RASSF4: variants seen among roughly 807,000 people sequenced by gnomAD.
RASSF4 encodes the protein Ras association domain family member 4, also known as ras association domain-containing protein 4.
A neutral mutation model predicts 41.1 loss-of-function variants in RASSF4; 38 were observed. That is an observed-to-expected ratio of 0.92 (90% CI 0.71 to 1.21). The LOEUF (loss-of-function observed/expected upper bound fraction) is 1.21, where lower values mean the gene tolerates loss of function less well. Among genes scored for constraint, RASSF4 ranks in the 50% most tolerant of loss-of-function variants. The probability of loss-of-function intolerance (pLI) is 0.00; values close to 1 mark genes in which losing one functional copy is unlikely to be tolerated. For synonymous variants in RASSF4, 179 were observed against 163.4 expected (o/e 1.10, Z -0.73); for missense variants, 414 against 419.4 (o/e 0.99, Z 0.11).
rs959703808 is a variant in RASSF4, at chr10:44,970,235, G to T, written c.33G>T (p.Val11=). 1 of 1,614,126 alleles carries T rather than the reference G, an allele frequency of 6.2e-7. No individual in the cohort carries two copies. Among genetic ancestry groups the T allele is most frequent in the Non-Finnish European group, 8.5e-7 (1 of 1,179,934 alleles). The change falls in exon 2 of 11, where the codon GTG becomes GTT. Residue 11 remains valine (V), a synonymous_variant. Coordinates refer to ENST00000340258, the MANE Select transcript of RASSF4 (RefSeq NM_032023.4). ...AAGACTGTCTGCCGAGTTCTCACGT[G>T]CCCATCAGTGACAGCAAGTCCATTC... The part of the protein sequence containing the change: MKEDCLPSSH[V]PISDSKSIQK...
In RASSF4 at chr10:44,993,339, A is replaced by G; in HGVS notation, c.*10A>G. 1.9e-6 allele frequency: 3 copies of G among 1,593,420 alleles called. No individual in the cohort carries two copies. The highest frequency in any genetic ancestry group is 2.6e-6 in the Non-Finnish European group (3 of 1,175,144). On this transcript the variant is annotated 3_prime_UTR_variant, in exon 11 of 11. Transcript: ENST00000340258. ...GGTGGAGGCCAAGTAACTGGCCAAC[A>G]CCTGCCTCTTCCAAAGTCCCCAGCA...
At chr10:44,977,722 G>A (rs1401657623) in intron 3 of RASSF4, 1 of 1,610,990 alleles carries the variant, frequency 6.2e-7, no homozygotes, top group Non-Finnish European at 8.5e-7. Flanking sequence ...AGTCCAGGGG[G>A]TCCACAGTAT....
chr10:44,975,424 A>T (rs1261839854), intron 3 of RASSF4, among the ~76,000 whole-genome samples: 15 of 109,790 alleles, frequency 1.4e-4, no homozygotes, highest in African/African-American at 5.0e-4. Flanking sequence ...TTCGCCTCCC[A>T]TCCCCACCTT....
chr10:44,981,191 AG>A (rs1455657702), intron 3 of RASSF4: 1 of 152,152 alleles, frequency 6.6e-6, no homozygotes, highest in East Asian at 1.9e-4. Flanking sequence ...AGTGCCAACG[AG>A]GAGAGAGAAA....
At chr10:44,967,552 C>G (rs1401395532) in intron 1 of RASSF4, among the ~76,000 whole-genome samples, 1 of 152,254 alleles carries the variant, frequency 6.6e-6, no homozygotes, top group African/African-American at 2.4e-5. Flanking sequence ...CCCATGGACC[C>G]CGTGACGAAT....
chr10:44,986,352 T>C (rs1841921301), intron 6 of RASSF4, among the ~76,000 whole-genome samples: 1 of 152,246 alleles, frequency 6.6e-6, no homozygotes, highest in Non-Finnish European at 1.5e-5. Context: ...CACTGAGCTC[T>C]CTGCATGTCC....
chr10:44,986,027 A>G (rs1841908862), intron 6 of RASSF4, among the ~76,000 whole-genome samples: 1 of 152,224 alleles, frequency 6.6e-6, no homozygotes, highest in Non-Finnish European at 1.5e-5. Context: ...TATTCTTTAA[A>G]TCTTGTTCCA....
intron 10 of RASSF4, 27 bp from the exon 11 acceptor site, chr10:44,993,240 TGA>T: frequency 5.0e-6 from 8 of 1,606,866 alleles, no homozygotes; most frequent in Non-Finnish European, 6.8e-6. Flanking sequence ...CTGGCCTCAG[TGA>T]GTCCTCTTGG....
intron 8 of RASSF4, among the ~76,000 whole-genome samples, chr10:44,989,987 C>T (rs766585513): frequency 3.9e-5 from 6 of 152,250 alleles, no homozygotes; most frequent in African/African-American, 9.6e-5. Context: ...TTTTCTAGGT[C>T]GCTCAGTACA....
intron 3 of RASSF4, among the ~76,000 whole-genome samples, chr10:44,974,271 C>G (rs11239299): frequency 0.023 from 3,450 of 152,342 alleles, 49 homozygotes; most frequent in East Asian, 0.048. Context: ...ACAGACACTT[C>G]CCCAGAGAAC....
At chr10:44,972,951 C>T (rs1041828886) in intron 3 of RASSF4, among the ~76,000 whole-genome samples, 1 of 152,208 alleles carries the variant, frequency 6.6e-6, no homozygotes, top group African/African-American at 2.4e-5. Context: ...ATCAGAGGGC[C>T]GGCTGGAACC....
chr10:44,988,032 G>T (rs965173724), intron 6 of RASSF4, among the ~76,000 whole-genome samples: 3 of 152,276 alleles, frequency 2.0e-5, no homozygotes, highest in South Asian at 4.1e-4. Flanking sequence ...GGAAAACAGA[G>T]CTAGGATCTC....
rs186539019 is a variant in RASSF4, at chr10:44,982,673, C to T, written c.281+10C>T. ...GGCCTAGCTGCCCTCTGTGAGTACC[C>T]GGTGGCTTCTGTGACACCTGCTCAG... On this transcript the variant is annotated intron_variant, in intron 4 of 10. Transcript: ENST00000340258. The T allele has an allele frequency of 1.2e-4, 188 of 1,611,498 alleles. No individual in the cohort carries two copies. The highest frequency in any genetic ancestry group is 8.9e-4 in the Admixed American group (53 of 59,530).
chr10:44,971,132 G>T (rs1841137827), intron 2 of RASSF4: 5 of 264,584 alleles, frequency 1.9e-5, no homozygotes, highest in South Asian at 1.6e-4. Flanking sequence ...TGGCCCCACA[G>T]CCCCACAGAG....
rs578028828 is a variant in RASSF4, at chr10:44,977,454, G to A, written c.139-5067G>A. ...GTTCTGAGGACACTGCTGGGGCGGG[G>A]GCGGTGGCGGGAGGCCATGGCTTGG... On this transcript the variant is annotated intron_variant, in intron 3 of 10. Transcript: ENST00000340258. 7.4e-6 allele frequency: 12 copies of A among 1,611,872 alleles called. No individual in the cohort carries two copies. The East Asian group carries it at 2.7e-4, about 36-fold the overall frequency.
At chr10:44,990,785 C>T (rs1200182637) in intron 8 of RASSF4, 163 bp from the exon 9 acceptor site, 3 of 611,878 alleles carry the variant, frequency 4.9e-6, no homozygotes, top group Non-Finnish European at 8.3e-6. Context: ...TTCTGCCTCC[C>T]TTCTGCATGA....
chr10:44,977,205 C>G lies in RASSF4; in HGVS notation c.139-5316C>G, dbSNP rs1841471035. ...AGAGCGAACGGGATTGGTAACATCT[C>G]CTCATGTGAAACAGGCTGTTATCAT... is the stretch of plus-strand genomic sequence containing the variant. On this transcript the variant is annotated intron_variant, in intron 3 of 10. Coordinates refer to ENST00000340258, the MANE Select transcript of RASSF4 (RefSeq NM_032023.4). The G allele has an allele frequency of 3.7e-5, 26 of 694,036 alleles. 2 individuals carry two copies. The South Asian group carries it at 6.4e-4, about 17-fold the overall frequency. The allele number at this position is 694,036 out of a possible 1,614,324, so 43.0% of individuals were successfully genotyped here.
rs753897016 is a variant in RASSF4 at position 44,989,622 on chromosome 10, T to A, written c.634-48T>A. The A allele has an allele frequency of 1.9e-6, 3 of 1,580,292 alleles. No homozygotes were observed. The Admixed American group carries it at 5.0e-5, about 26-fold the overall frequency. On this transcript the variant is annotated intron_variant, in intron 7 of 10. Transcript: ENST00000340258. ...CTGTCAGGGGACCCTCTCAGTTCTC[T>A]CCCATCTCCAAGCACCGTGATCTGA...
intron 3 of RASSF4, chr10:44,977,589 G>C (rs775457258): frequency 1.2e-6 from 2 of 1,613,350 alleles, no homozygotes; most frequent in South Asian, 2.2e-5. Flanking sequence ...CTCCCTCTGG[G>C]GGCCCCCATG....
Sources: gnomAD v4.1 joint callset for allele counts (sites outside exome capture counted in the v4.1 genomes callset) on GRCh38, gnomAD v4.1.1 for gene constraint, MANE v1.5 for transcripts, NCBI Gene and HGNC (gene_info 2026-07-23, HGNC 2026-07-21) for gene names.